The following PHF8 variants were observed in gnomAD, a reference collection of about 807,000 sequenced individuals.
PHF8 encodes the protein histone lysine demethylase PHF8.
PHF8 carries 9 observed loss-of-function variants against 74.4 expected under a neutral mutation model. The ratio of observed to expected loss-of-function variants is 0.12; its 90% CI spans 0.07 to 0.21. The LOEUF is 0.21. Ranked by LOEUF, PHF8 falls within the 10% of genes least tolerant of loss-of-function variation. The pLI, the probability that PHF8 is intolerant of heterozygous loss-of-function variation, is 1.00. For missense variants in PHF8, 478 were observed against 816.6 expected (o/e 0.59, Z 5.05); for synonymous variants, 311 against 316.6 (o/e 0.98, Z 0.19).
chrX:53,996,974 C>CT (rs1239092937), intron 11 of PHF8, among the ~76,000 whole-genome samples: 2 of 112,725 alleles, frequency 1.8e-5, no homozygotes, highest in African/African-American at 3.2e-5. Context: ...AAAAGCAAAA[C>CT]TTTTTTGAAA....
intron 8 of PHF8, among the ~76,000 whole-genome samples, chrX:54,007,949 C>A (rs2065920830): frequency 8.9e-6 from 1 of 112,337 alleles, no homozygotes; most frequent in Non-Finnish European, 1.9e-5. Context: ...ATAACTCGTA[C>A]ACGAATGTTC....
At chrX:54,045,857 T>C (rs1198421352), upstream of PHF8, among the ~76,000 whole-genome samples, 1 of 112,027 alleles carries the variant, frequency 8.9e-6, no homozygotes, top group African/African-American at 3.2e-5. Context: ...AGAGTTTAGA[T>C]TGTATGCAGT....
At chrX:53,959,044 A>G (rs2065060875) in intron 19 of PHF8, among the ~76,000 whole-genome samples, 1 of 111,436 alleles carries the variant, frequency 9.0e-6, no homozygotes, top group African/African-American at 3.3e-5. Context: ...AGGTATATCC[A>G]TGGAACTGAT....
Position 53,979,297 on chromosome X carries a change from G to A in PHF8, c.2443+5617C>T, listed in dbSNP as rs185162910. 1.3e-3 allele frequency among the ~76,000 whole-genome samples: 148 copies of A among 110,912 alleles called. 2 individuals are homozygous for A. The East Asian group carries it at 0.039, about 30-fold the overall frequency. ...CTTAGGAGGCTGAGGCAGAAGAATC[G>A]CTTGAACCGGGGAGGCGGAGGTTGC... On this transcript the variant is annotated intron_variant, in intron 18 of 21. Coordinates refer to ENST00000338154, the MANE Select transcript of PHF8 (RefSeq NM_015107.3).
intron 4 of PHF8, among the ~76,000 whole-genome samples, chrX:54,021,824 A>G (rs1423134747): frequency 9.0e-6 from 1 of 111,271 alleles, no homozygotes; most frequent in African/African-American, 3.3e-5. Context: ...AAAACCAAGC[A>G]AAGGAGAATG....
intron 19 of PHF8, among the ~76,000 whole-genome samples, chrX:53,957,754 TG>T (rs1258393639): frequency 9.0e-6 from 1 of 111,619 alleles, no homozygotes; most frequent in Non-Finnish European, 1.9e-5. Context: ...TAAAACTCCT[TG>T]GGGAGAGGGA....
At chrX:54,044,580 G>A, upstream of PHF8, 1 of 194,851 alleles carries the variant, frequency 5.1e-6, no homozygotes, top group Non-Finnish European at 7.8e-6. Context: ...AGCCACCTTT[G>A]GACCCGCTCG....
intron 19 of PHF8, among the ~76,000 whole-genome samples, chrX:53,954,827 G>C (rs1225838785): frequency 9.0e-6 from 1 of 110,746 alleles, no homozygotes; most frequent in African/African-American, 3.3e-5. Flanking sequence ...TATTCTTTAA[G>C]CTAATTATAC....
At chrX:53,945,069 G>A (rs7054992) in intron 19 of PHF8, among the ~76,000 whole-genome samples, 1,454 of 108,380 alleles carry the variant, frequency 0.013, 28 homozygotes, top group African/African-American at 0.046. Context: ...AAAATTGGCC[G>A]GCACGGTGGC....
intron 2 of PHF8, among the ~76,000 whole-genome samples, chrX:54,040,399 C>T (rs2066532504): frequency 8.9e-6 from 1 of 111,819 alleles, no homozygotes. Context: ...TCTGGGGATA[C>T]CAAAAATGAA....
chrX:53,970,718 T>G (rs2065278942), intron 18 of PHF8, among the ~76,000 whole-genome samples: 1 of 110,704 alleles, frequency 9.0e-6, no homozygotes, highest in Non-Finnish European at 1.9e-5. Context: ...AAAACAGACT[T>G]TAAATCAACA....
chrX:53,967,586 G>T (rs2065228976), intron 18 of PHF8, among the ~76,000 whole-genome samples: 2 of 114,049 alleles, frequency 1.8e-5, no homozygotes, highest in Admixed American at 9.2e-5. Flanking sequence ...GAGCCCCTCT[G>T]CCCGGCCACC....
Position 53,987,776 on chromosome X carries a change from T to C in PHF8, c.1899A>G (p.Ile633Met), listed in dbSNP as rs1557100066. Residue 633 changes from isoleucine (I) to methionine (M), a missense_variant, in exon 15 of 22, where the codon ATA (isoleucine) becomes ATG (methionine). Ile to Met is a conservative substitution (Grantham distance 10). Transcript: ENST00000338154. ...AGAACAGACACACACTTGGTCTTAT[T>C]ATCAGGGTCGCCTTCTCCTTTCCCA... is the stretch of plus-strand genomic sequence containing the variant. ...ERLGKEKATL[I>M]IRPKFPRKLP... 2 of 1,195,902 alleles carry C rather than the reference T, an allele frequency of 1.7e-6. No homozygotes were observed. The highest frequency in any genetic ancestry group is 2.3e-6 in the Non-Finnish European group (2 of 885,183).
At chrX:54,033,364 C>G (rs782122355) in intron 2 of PHF8, among the ~76,000 whole-genome samples, 1 of 111,937 alleles carries the variant, frequency 8.9e-6, no homozygotes, top group African/African-American at 3.2e-5. Context: ...ATTTTAAAGG[C>G]GCCATCATAA....
At chrX:53,960,905 T>C (rs999227881) in intron 19 of PHF8, among the ~76,000 whole-genome samples, 1 of 111,176 alleles carries the variant, frequency 9.0e-6, no homozygotes. Context: ...TTCTTCATAA[T>C]TCCCTTTATT....
intron 2 of PHF8, among the ~76,000 whole-genome samples, chrX:54,023,653 G>A (rs981406578): frequency 9.3e-6 from 1 of 107,901 alleles, no homozygotes; most frequent in Non-Finnish European, 1.9e-5. Context: ...GATCACTTGA[G>A]CCCAGGAGTT....
At position 53,943,682 on chromosome X, in the gene PHF8, T is replaced by A. The variant is rs782551590; in HGVS notation, c.2649+452A>T. Among the ~76,000 whole-genome samples the A allele has an allele frequency of 4.0e-4, 44 of 111,087 alleles. No homozygotes were observed. In the South Asian group the frequency reaches 0.016, roughly 40 times the overall value. On this transcript the variant is annotated intron_variant, in intron 20 of 21. Coordinates refer to ENST00000338154, the MANE Select transcript of PHF8 (RefSeq NM_015107.3). ...ATCACTCTTTAGGACAAAAAAAAAA[T>A]TTGTGGGTGAAGATTAAGATAATAT...
chrX:53,962,458 G>T (rs781949243), intron 19 of PHF8, among the ~76,000 whole-genome samples: 1 of 111,076 alleles, frequency 9.0e-6, no homozygotes, highest in South Asian at 3.8e-4. Context: ...GCCTTATAGA[G>T]CTCAACAGTC....
At chrX:53,979,413 TA>T (rs1298851069) in intron 18 of PHF8, among the ~76,000 whole-genome samples, 2 of 110,833 alleles carry the variant, frequency 1.8e-5, no homozygotes, top group Non-Finnish European at 3.8e-5. Flanking sequence ...AAATAAAATT[TA>T]AAAAACGCTT....
Sources: allele counts gnomAD v4.1 joint callset (sites outside exome capture counted in the v4.1 genomes callset), GRCh38; gene constraint gnomAD v4.1.1; transcripts MANE v1.5; gene names NCBI Gene and HGNC (gene_info 2026-07-23, HGNC 2026-07-21).